Variants in CLEC18C observed in about 807,000 individuals in gnomAD.
The protein encoded by CLEC18C is mannose receptor-like 3.
In CLEC18C, 2 loss-of-function variants were observed where a neutral mutation model predicts 27.2. That is an observed-to-expected ratio of 0.07 (90% CI 0.03 to 0.23). CLEC18C has a LOEUF of 0.23. Ranked by LOEUF, CLEC18C falls within the 10% of genes least tolerant of loss-of-function variation. CLEC18C has a pLI of 1.00. For missense variants in CLEC18C, 31 were observed against 269.0 expected (o/e 0.12, Z 6.19); for synonymous variants, 13 against 112.8 (o/e 0.12, Z 5.61).
intron 3 of CLEC18C, among the ~76,000 whole-genome samples, chr16:70,175,819 T>G: frequency 1.6e-5 from 2 of 126,562 alleles, no homozygotes; most frequent in African/African-American, 3.2e-5. Context: ...GGGGGTGGGG[T>G]GGCTAAATGC....
Position 70,177,375 on chromosome 16 carries a change from G to A in CLEC18C, c.351G>A (p.Leu117=), listed in dbSNP as rs761172048. The change falls in exon 4 of 13, where the codon TTG becomes TTA. Residue 117 remains leucine, a synonymous_variant. Coordinates refer to ENST00000541793, the MANE Select transcript of CLEC18C (RefSeq NM_173619.4). ...ACATGCAGCTGCTGCCCGCGGGCTT[G>A]GCGTCCTTTGTTGAAGTGGTCAGCC... ...GWNMQLLPAG[L]ASFVEVVSLW... is the part of the protein sequence containing the mutation. 3.1e-6 allele frequency: 5 copies of A among 1,612,430 alleles called. No homozygotes were observed. Among genetic ancestry groups the A allele is most frequent in the East Asian group, 4.5e-5 (2 of 44,610 alleles).
intron 2 of CLEC18C, 74 bp from the exon 3 acceptor site, chr16:70,174,873 C>T: frequency 1.6e-6 from 1 of 635,260 alleles, no homozygotes. Context: ...GGCAGGGACA[C>T]ATGCTTATTC....
intron 4 of CLEC18C, among the ~76,000 whole-genome samples, chr16:70,179,296 G>T (rs1597408157): frequency 7.5e-6 from 1 of 132,636 alleles, no homozygotes; most frequent in Admixed American, 7.5e-5. Context: ...GTCTTGCTCT[G>T]TCGCGCAGGC....
chr16:70,177,284 C>G lies in CLEC18C; in HGVS notation c.260C>G (p.Ala87Gly), dbSNP rs1208017639. The G allele has an allele frequency of 6.3e-7, 1 of 1,594,044 alleles. No individual in the cohort carries two copies. The stretch of plus-strand genomic sequence containing the variant: ...GCCCAACTGGCTCAAGCCAGGGCAG[C>G]CCTCTGTGGAATCCCAACCCCGAGC... ...SLAQLAQARA[A>G]LCGIPTPSLA... Residue 87 changes from alanine to glycine, a missense_variant, in exon 4 of 13, where the codon GCC (alanine) becomes GGC (glycine). By Grantham distance (60) the Ala-to-Gly change is moderately conservative (BLOSUM62 0). Coordinates refer to ENST00000541793, the MANE Select transcript of CLEC18C (RefSeq NM_173619.4).
At chr16:70,176,571 A>G (rs1473773284) in intron 3 of CLEC18C, among the ~76,000 whole-genome samples, 1 of 150,912 alleles carries the variant, frequency 6.6e-6, no homozygotes, top group East Asian at 2.0e-4. Context: ...TCTACTAAAA[A>G]TACAAAAATT....
chr16:70,179,239 C>T (rs1254405415), intron 4 of CLEC18C, among the ~76,000 whole-genome samples: 12 of 135,344 alleles, frequency 8.9e-5, no homozygotes, highest in East Asian at 2.1e-4. Context: ...TCCCACTTCC[C>T]GAAGATCTTC....
At chr16:70,175,447 G>T (rs1205149586) in intron 3 of CLEC18C, among the ~76,000 whole-genome samples, 140 of 130,556 alleles carry the variant, frequency 1.1e-3, no homozygotes, top group Non-Finnish European at 1.3e-3. Context: ...GCTTCTGTGC[G>T]GCAAGGACCC....
chr16:70,175,881 AG>A (rs1400996756), intron 3 of CLEC18C, among the ~76,000 whole-genome samples: 1 of 124,734 alleles, frequency 8.0e-6, no homozygotes, highest in Non-Finnish European at 1.7e-5. Context: ...GCCTCTCCTC[AG>A]GCTCAGACCC....
chr16:70,176,833 T>C (rs2152137335), intron 3 of CLEC18C, among the ~76,000 whole-genome samples: 2 of 105,168 alleles, frequency 1.9e-5, no homozygotes, highest in Middle Eastern at 7.8e-3. Context: ...GGCGTGGCTG[T>C]AGGGCTTTTT....
At chr16:70,179,308 A>G (rs2549617) in intron 4 of CLEC18C, among the ~76,000 whole-genome samples, 163 of 131,890 alleles carry the variant, frequency 1.2e-3, no homozygotes, top group African/African-American at 4.0e-3. Context: ...CGCGCAGGCT[A>G]CTGTGCAGTG....
chr16:70,175,503 C>T (rs563552136), intron 3 of CLEC18C, among the ~76,000 whole-genome samples: 1 of 136,660 alleles, frequency 7.3e-6, no homozygotes, highest in Non-Finnish European at 1.5e-5. Context: ...CGGGCCTTGC[C>T]CATGTTCTCT....
chr16:70,179,176 C>T (rs1968379581), intron 4 of CLEC18C, among the ~76,000 whole-genome samples: 2 of 114,406 alleles, frequency 1.7e-5, no homozygotes, highest in African/African-American at 4.1e-5. Context: ...TGTGCCCCTA[C>T]AACTAGGTGC....
chr16:70,174,429 G>C, intron 2 of CLEC18C, 27 bp downstream of exon 2: 1 of 1,317,536 alleles, frequency 7.6e-7, no homozygotes, highest in Non-Finnish European at 1.0e-6. Context: ...GAGGAGGTAG[G>C]TGGAGGCACC....
Position 70,186,601 on chromosome 16 carries a change from C to T in CLEC18C, c.*81C>T, listed in dbSNP as rs1033438230. ...TCCGCCCACCTGTCTGGAACAAGGGCCAGGTTAAGACCACATGCCTCATGT... is the reference window on the plus strand; with the variant it reads ...TCCGCCCACCTGTCTGGAACAAGGGTCAGGTTAAGACCACATGCCTCATGT... On this transcript the variant is annotated 3_prime_UTR_variant, in exon 13 of 13. Coordinates refer to ENST00000541793, the MANE Select transcript of CLEC18C (RefSeq NM_173619.4). 69 of 1,253,316 alleles carry T rather than the reference C, an allele frequency of 5.5e-5. 14 individuals are homozygous for T. The Admixed American group carries it at 1.2e-3, about 21-fold the overall frequency. The allele number at this position is 1,253,316 out of a possible 1,614,324, so 77.6% of individuals were successfully genotyped here. A position where few individuals can be genotyped will look rare whatever the true frequency, so the allele number is the denominator to read the frequency against.
rs1421774707 is a variant in CLEC18C at position 70,174,394 on chromosome 16, T to TG, written c.118dup (p.Ala40GlyfsTer29). ...CCCCAGCTGCAGGAGCAGGCTCCGA[T>TG]GGCCGGAGGTAAGGGACACCTGGTG... On this transcript the variant is annotated frameshift_variant, in exon 2 of 13. Transcript: ENST00000541793. LOFTEE classifies it high-confidence loss of function. The TG allele has an allele frequency of 7.1e-7, 1 of 1,405,252 alleles. No homozygotes were observed. The highest frequency in any genetic ancestry group is 9.7e-7 in the Non-Finnish European group (1 of 1,034,364). 87.0% of individuals were successfully genotyped at this position (1,405,252 alleles called of 1,614,324 possible).
chr16:70,178,072 CA>C (rs1968349372), intron 4 of CLEC18C, among the ~76,000 whole-genome samples: 1 of 37,820 alleles, frequency 2.6e-5, no homozygotes, highest in Non-Finnish European at 5.1e-5. Context: ...ACACCCAGCT[CA>C]TTTTTTTGTA....
intron 3 of CLEC18C, among the ~76,000 whole-genome samples, chr16:70,176,448 C>T (rs1180330247): frequency 1.3e-5 from 2 of 148,334 alleles, no homozygotes; most frequent in Non-Finnish European, 3.0e-5. Context: ...AGGGAGGGGG[C>T]TGGGCACGGT....
At chr16:70,176,826 G>A (rs1434772323) in intron 3 of CLEC18C, among the ~76,000 whole-genome samples, 1 of 106,442 alleles carries the variant, frequency 9.4e-6, no homozygotes, top group Non-Finnish European at 1.8e-5. Flanking sequence ...GCAGAGAGGC[G>A]TGGCTGTAGG....
In CLEC18C at chr16:70,177,288, CTG is replaced by C. The variant is rs1567581965; in HGVS notation, c.267_268del (p.Cys89TrpfsTer33). On this transcript the variant is annotated frameshift_variant, in exon 4 of 13. Coordinates refer to ENST00000541793, the MANE Select transcript of CLEC18C (RefSeq NM_173619.4). LOFTEE classifies it high-confidence loss of function. ...AQLAQARAAL[C>X]GIPTPSLASG... ...AACTGGCTCAAGCCAGGGCAGCCCT[CTG>C]TGGAATCCCAACCCCGAGCCTGGCG... 3 of 1,593,916 alleles carry C rather than the reference CTG, an allele frequency of 1.9e-6. No individual in the cohort carries two copies. Among genetic ancestry groups the C allele is most frequent in the South Asian group, 2.2e-5 (2 of 89,796 alleles).
Sources: gnomAD v4.1 joint callset for allele counts (sites outside exome capture counted in the v4.1 genomes callset) on GRCh38, gnomAD v4.1.1 for gene constraint, MANE v1.5 for transcripts, NCBI Gene and HGNC (gene_info 2026-07-23, HGNC 2026-07-21) for gene names.